Variants in IGF2BP1 observed in about 807,000 individuals in gnomAD.
The protein encoded by IGF2BP1 is insulin-like growth factor 2 mRNA-binding protein 1.
Under a neutral mutation model 74.9 loss-of-function variants are expected in IGF2BP1, and 11 were observed. The ratio of observed to expected loss-of-function variants is 0.15; its 90% confidence interval spans 0.09 to 0.24. The LOEUF is 0.24. Among genes scored for constraint, IGF2BP1 ranks in the 10% least tolerant of loss-of-function variants. The pLI is 1.00. For synonymous variants in IGF2BP1, 287 were observed against 281.8 expected (o/e 1.02, Z -0.18); for missense variants, 440 against 757.4 (o/e 0.58, Z 4.92).
intron 3 of IGF2BP1, 137 bp from the exon 4 acceptor site, chr17:49,026,329 T>G: frequency 2.8e-6 from 2 of 724,794 alleles, no homozygotes; most frequent in South Asian, 1.7e-5. Flanking sequence ...AAGGTCACAC[T>G]GGACAGGTAA....
intron 2 of IGF2BP1, among the ~76,000 whole-genome samples, chr17:49,017,007 C>T: frequency 6.6e-6 from 1 of 151,462 alleles, no homozygotes; most frequent in Non-Finnish European, 1.5e-5. Context: ...TTTTCACCGC[C>T]TCTCCACCCT....
At chr17:49,019,992 AT>A (rs2041770893) in intron 2 of IGF2BP1, among the ~76,000 whole-genome samples, 1 of 98,436 alleles carries the variant, frequency 1.0e-5, no homozygotes, top group African/African-American at 4.5e-5. Context: ...CCACACATAT[AT>A]ATACACACAC....
chr17:49,055,955 C>A lies in IGF2BP1; in HGVS notation c.*6511C>A, dbSNP rs971266133. ...CATCACCACCCGATTTTGATTGTAT[C>A]CTTCCTCCCATCCTTTAATCTGTTC... is the stretch of plus-strand genomic sequence containing the variant. On this transcript the variant is annotated 3_prime_UTR_variant, in exon 15 of 15. Transcript: ENST00000290341. Among the ~76,000 whole-genome samples the A allele has an allele frequency of 2.0e-5, 3 of 150,538 alleles. No individual in the cohort carries two copies. The Admixed American group carries it at 2.0e-4, about 10-fold the overall frequency.
chr17:49,000,940 T>TA (rs11455355), intron 2 of IGF2BP1, among the ~76,000 whole-genome samples: 29,878 of 146,118 alleles, frequency 0.2, 3,081 homozygotes, highest in African/African-American at 0.26. Flanking sequence ...GAAGACTGGG[T>TA]AAAAAAAAAA....
chr17:49,034,079 C>T (rs1181117862), intron 5 of IGF2BP1, among the ~76,000 whole-genome samples: 2 of 54 alleles, frequency 0.037, no homozygotes, highest in African/African-American at 0.062. Flanking sequence ...CTACCTCAGC[C>T]CCCCCAAAGT....
At chr17:49,027,618 C>T (rs1212364642) in intron 4 of IGF2BP1, among the ~76,000 whole-genome samples, 3 of 151,642 alleles carry the variant, frequency 2.0e-5, no homozygotes, top group Admixed American at 6.6e-5. Context: ...TTTGGGAGGC[C>T]GAGGCAGGCG....
intron 4 of IGF2BP1, among the ~76,000 whole-genome samples, chr17:49,030,141 C>CTTTT (rs35530909): frequency 8.3e-6 from 1 of 120,794 alleles, no homozygotes; most frequent in Non-Finnish European, 1.7e-5. Flanking sequence ...TTTAGCTGGA[C>CTTTT]TTTTTTTTTT....
At chr17:49,026,570 T>G (rs2041856488) in intron 4 of IGF2BP1, 53 bp downstream of exon 4, 1 of 1,459,304 alleles carries the variant, frequency 6.9e-7, no homozygotes, top group African/African-American at 1.4e-5. Context: ...TGGAGGAGTT[T>G]GGTGCATTTG....
Position 49,044,027 on chromosome 17 carries a change from A to G in IGF2BP1, c.1261A>G (p.Ile421Val). 1 of 1,614,166 alleles carries G rather than the reference A, an allele frequency of 6.2e-7. No homozygotes were observed. The highest frequency in any genetic ancestry group is 8.5e-7 in the Non-Finnish European group (1 of 1,180,026). Residue 421 changes from isoleucine (I) to valine (V), a missense_variant, in exon 11 of 15, where the codon ATC (isoleucine) becomes GTC (valine). By Grantham distance (29) the Ile-to-Val change is conservative. Transcript: ENST00000290341. Reference protein sequence around the residue: ...FIPAQAVGAIIGKKGQHIKQL... With the variant: ...FIPAQAVGAIVGKKGQHIKQL... The stretch of plus-strand genomic sequence containing the variant: ...CCCCGCCCAGGCAGTGGGCGCCATC[A>G]TCGGCAAGAAGGGGCAGCACATCAA...
intron 4 of IGF2BP1, among the ~76,000 whole-genome samples, 170 bp downstream of exon 4, chr17:49,026,687 GCCTTCCTGCCTT>G: frequency 1.1e-5 from 1 of 94,958 alleles, no homozygotes; most frequent in Non-Finnish European, 2.8e-5. Flanking sequence ...CTGCCTTCCT[GCCTTCCTGCCTT>G]CCTGCCTTCC....
intron 6 of IGF2BP1, among the ~76,000 whole-genome samples, chr17:49,038,874 A>ATCTTTTTTTTTTTTTTTTTTTTT (rs1491495832): frequency 1.2e-4 from 9 of 75,284 alleles, no homozygotes; most frequent in African/African-American, 4.5e-4. Flanking sequence ...TCTTTCTTTA[A>ATCTTTTTTTTTTTTTTTTTTTTT]TATTTTTTTT....
chr17:49,004,335 T>C lies in IGF2BP1; in HGVS notation c.236+5166T>C, dbSNP rs546882669. ...TGCGGGCTGCGGGCTGCAGACCCTT[T>C]CCAGCACCTGGGCTGCCTCAGGAGC... On this transcript the variant is annotated intron_variant, in intron 2 of 14. Transcript: ENST00000290341. Among the ~76,000 whole-genome samples, 32 of 149,200 alleles carry C rather than the reference T, an allele frequency of 2.1e-4. 2 individuals carry two copies. In the South Asian group the frequency reaches 5.0e-3, roughly 23 times the overall value.
chr17:49,025,679 G>A lies in IGF2BP1; in HGVS notation c.285+13G>A, dbSNP rs768009171. ...GCTCCGATGGGAAGTAAGTGTTTGG[G>A]GGAAACTCTAAATGGAGTGGGATAG... On this transcript the variant is annotated intron_variant, in intron 3 of 14. Coordinates refer to ENST00000290341, the MANE Select transcript of IGF2BP1 (RefSeq NM_006546.4). The A allele has an allele frequency of 1.5e-5, 24 of 1,610,336 alleles. No homozygotes were observed. The highest frequency in any genetic ancestry group is 2.1e-4 in the Middle Eastern group (1 of 4,710).
intron 7 of IGF2BP1, 148 bp from the exon 8 acceptor site, chr17:49,041,230 C>G: frequency 1.3e-6 from 1 of 797,916 alleles, no homozygotes; most frequent in Non-Finnish European, 2.0e-6. Context: ...TATAATAAAT[C>G]ATACATATTT....
chr17:48,996,744 G>C (rs1004494751), upstream of IGF2BP1, among the ~76,000 whole-genome samples: 1 of 152,054 alleles, frequency 6.6e-6, no homozygotes. Context: ...TATTTCCTGC[G>C]GCTTCCTCGT....
chr17:49,025,812 T>G (rs1438322608), intron 3 of IGF2BP1, 146 bp downstream of exon 3: 1 of 580,842 alleles, frequency 1.7e-6, no homozygotes, highest in East Asian at 2.9e-5. Flanking sequence ...TCTTTTTTTC[T>G]TTTTGAGTCT....
chr17:49,014,757 A>T, intron 2 of IGF2BP1: 1 of 985,244 alleles, frequency 1.0e-6, no homozygotes, highest in Middle Eastern at 5.2e-4. Context: ...TGGTGCCCAG[A>T]TGTTTGCCCA....
At chr17:49,011,998 G>A (rs2041625524) in intron 2 of IGF2BP1, among the ~76,000 whole-genome samples, 1 of 142,190 alleles carries the variant, frequency 7.0e-6, no homozygotes, top group African/African-American at 2.7e-5. Context: ...TACAACCTCC[G>A]CCTCCTGGGT....
At chr17:49,014,569 G>A (rs1234258025) in intron 2 of IGF2BP1, among the ~76,000 whole-genome samples, 1 of 152,026 alleles carries the variant, frequency 6.6e-6, no homozygotes, top group East Asian at 1.9e-4. Context: ...GGGGAGGAGG[G>A]CCACGTTGGG....
Sources: gnomAD v4.1 joint callset for allele counts (sites outside exome capture counted in the v4.1 genomes callset) on GRCh38, gnomAD v4.1.1 for gene constraint, MANE v1.5 for transcripts, NCBI Gene and HGNC (gene_info 2026-07-23, HGNC 2026-07-21) for gene names.